EIPR1: variants seen among roughly 807,000 people sequenced by gnomAD.
The protein encoded by EIPR1 is EARP and GARP complex-interacting protein 1.
EIPR1 carries 25 observed loss-of-function variants against 48.1 expected under a neutral mutation model. The ratio of observed to expected loss-of-function variants is 0.52; its 90% CI spans 0.38 to 0.73. EIPR1 has a LOEUF of 0.73. Among genes scored for constraint, EIPR1 ranks in the 30% least tolerant of loss-of-function variants. The pLI is 0.00. For synonymous variants in EIPR1, 204 were observed against 201.9 expected, an observed-to-expected ratio of 1.01 and a Z score of -0.09; for missense variants, 415 against 506.2, an observed-to-expected ratio of 0.82 and a Z score of 1.73.
Position 3,192,572 on chromosome 2 carries a change from G to C in EIPR1, c.831C>G (p.Asn277Lys). The stretch of plus-strand genomic sequence containing the variant: ...GGTCATGAGAGTGGTTGTAGCGGAC[G>C]TTCCACACCCTGCAAAGGGCAAGGC... Reference protein sequence around the residue: ...TLEEHSHWVWNVRYNHSHDQL... With the variant: ...TLEEHSHWVWKVRYNHSHDQL... The change falls in exon 8 of 9, where the codon AAC becomes AAG. Residue 277 changes from asparagine (N) to lysine (K), a missense_variant. Coordinates refer to ENST00000382125, the MANE Select transcript of EIPR1 (RefSeq NM_003310.5). The C allele has an allele frequency of 6.2e-7, 1 of 1,611,138 alleles. No homozygotes were observed. The highest frequency in any genetic ancestry group is 1.1e-5 in the South Asian group (1 of 90,628).
chr2:3,305,455 A>C (rs1252558377), intron 3 of EIPR1, among the ~76,000 whole-genome samples: 33 of 92,724 alleles, frequency 3.6e-4, no homozygotes, highest in Middle Eastern at 8.6e-3. Flanking sequence ...CAGCCCTCCA[A>C]TCCCGTCCAG....
intron 3 of EIPR1, among the ~76,000 whole-genome samples, chr2:3,289,212 C>T (rs751474796): frequency 6.6e-5 from 10 of 152,196 alleles, no homozygotes; most frequent in Admixed American, 1.3e-4. Flanking sequence ...TCTCAGGGCT[C>T]GCTCTTCCTG....
At chr2:3,359,287 A>G (rs570001258) in intron 1 of EIPR1, among the ~76,000 whole-genome samples, 1 of 152,356 alleles carries the variant, frequency 6.6e-6, no homozygotes, top group Admixed American at 6.5e-5. Flanking sequence ...ATACTGAAAA[A>G]TGAAGGGCAA....
intron 2 of EIPR1, among the ~76,000 whole-genome samples, chr2:3,342,256 A>G (rs1014623220): frequency 1.3e-5 from 2 of 152,264 alleles, no homozygotes; most frequent in East Asian, 3.8e-4. Context: ...GCAGGCTATA[A>G]AATGGCATGT....
intron 3 of EIPR1, among the ~76,000 whole-genome samples, chr2:3,327,532 A>G (rs1441634329): frequency 6.6e-6 from 1 of 152,204 alleles, no homozygotes; most frequent in Non-Finnish European, 1.5e-5. Flanking sequence ...GGTCTGCAAC[A>G]TGATGCTGAG....
chr2:3,251,221 C>T (rs916805127), intron 4 of EIPR1, among the ~76,000 whole-genome samples: 2 of 152,182 alleles, frequency 1.3e-5, no homozygotes, highest in South Asian at 2.1e-4. Context: ...GAGAAGACTG[C>T]GGCCGTGCCC....
At chr2:3,344,416 T>C (rs1670341248) in intron 2 of EIPR1, among the ~76,000 whole-genome samples, 1 of 152,216 alleles carries the variant, frequency 6.6e-6, no homozygotes, top group Admixed American at 6.5e-5. Context: ...TCTAGTCGGC[T>C]TCACGCTTCA....
chr2:3,287,007 G>C (rs974904812), intron 3 of EIPR1, among the ~76,000 whole-genome samples: 3 of 149,174 alleles, frequency 2.0e-5, no homozygotes, highest in Admixed American at 2.0e-4. Flanking sequence ...CGGCAGAGGC[G>C]GCGGTGGGGA....
intron 5 of EIPR1, among the ~76,000 whole-genome samples, chr2:3,206,793 C>G (rs985195725): frequency 6.6e-6 from 1 of 151,992 alleles, no homozygotes; most frequent in African/African-American, 2.4e-5. Context: ...TTTCTGCAAC[C>G]CCAATTAGAC....
At chr2:3,263,304 G>T (rs888889917) in intron 3 of EIPR1, among the ~76,000 whole-genome samples, 2 of 152,178 alleles carry the variant, frequency 1.3e-5, no homozygotes, top group Non-Finnish European at 1.5e-5. Context: ...AAGCCTGGAA[G>T]TAAAAAGACT....
intron 1 of EIPR1, chr2:3,377,225 G>A (rs1572499111): frequency 1.2e-5 from 2 of 171,636 alleles, no homozygotes; most frequent in Admixed American, 6.3e-5. Flanking sequence ...TGGGTGGAGG[G>A]TAAAGAAGAA....
At chr2:3,341,728 G>T (rs1318878059) in intron 2 of EIPR1, among the ~76,000 whole-genome samples, 1 of 151,924 alleles carries the variant, frequency 6.6e-6, no homozygotes, top group East Asian at 1.9e-4. Flanking sequence ...CATGGGTATG[G>T]GTGTGTGGGG....
intron 1 of EIPR1, among the ~76,000 whole-genome samples, chr2:3,363,270 C>CA (rs909169261): frequency 2.0e-5 from 3 of 151,468 alleles, no homozygotes; most frequent in Non-Finnish European, 4.4e-5. Context: ...GGAAGAAAAA[C>CA]AAAAAAAGAC....
chr2:3,340,840 T>C (rs1670217324), intron 2 of EIPR1, among the ~76,000 whole-genome samples: 1 of 152,050 alleles, frequency 6.6e-6, no homozygotes, highest in Non-Finnish European at 1.5e-5. Flanking sequence ...CTGACATCTG[T>C]AATCCCAGCA....
At chr2:3,333,949 C>A (rs562397536) in intron 3 of EIPR1, among the ~76,000 whole-genome samples, 1 of 152,084 alleles carries the variant, frequency 6.6e-6, no homozygotes, top group African/African-American at 2.4e-5. Context: ...GCAGGGTGTG[C>A]GCCGAAAGGT....
intron 3 of EIPR1, among the ~76,000 whole-genome samples, chr2:3,259,954 A>G (rs946141327): frequency 3.3e-5 from 5 of 152,266 alleles, no homozygotes; most frequent in African/African-American, 1.2e-4. Flanking sequence ...AGACGTAAAG[A>G]TAAAATAATA....
At chr2:3,323,967 G>C (rs767386004) in intron 3 of EIPR1, among the ~76,000 whole-genome samples, 1 of 152,232 alleles carries the variant, frequency 6.6e-6, no homozygotes, top group Non-Finnish European at 1.5e-5. Flanking sequence ...AAGGTTCAGA[G>C]TCAAGGCCCA....
At chr2:3,194,702 G>A (rs1441045424) in intron 6 of EIPR1, among the ~76,000 whole-genome samples, 3 of 148,788 alleles carry the variant, frequency 2.0e-5, no homozygotes, top group Non-Finnish European at 2.9e-5. Flanking sequence ...AGAAAGGGGG[G>A]GGCAGTGGGG....
chr2:3,298,719 G>C (rs1352825076), intron 3 of EIPR1, among the ~76,000 whole-genome samples: 1 of 152,024 alleles, frequency 6.6e-6, no homozygotes, highest in Non-Finnish European at 1.5e-5. Context: ...CAGCCAAAGA[G>C]GGGCCGTGTT....
Sources: gnomAD v4.1 joint callset for allele counts (sites outside exome capture counted in the v4.1 genomes callset) on GRCh38, gnomAD v4.1.1 for gene constraint, MANE v1.5 for transcripts, NCBI Gene and HGNC (gene_info 2026-07-23, HGNC 2026-07-21) for gene names.